The following NCAPG2 variants were observed in gnomAD, a reference collection of about 807,000 sequenced individuals.
NCAPG2 encodes condensin-2 complex subunit G2.
In NCAPG2, 53 loss-of-function variants were observed where a neutral mutation model predicts 141.1. That is an observed-to-expected ratio of 0.38 (90% confidence interval 0.30 to 0.47). The LOEUF (loss-of-function observed/expected upper bound fraction) is 0.47, where lower values mean the gene tolerates loss of function less well. Among genes scored for constraint, NCAPG2 ranks in the 20% least tolerant of loss-of-function variants. The pLI is 0.99. For synonymous variants in NCAPG2, 499 were observed against 490.7 expected (o/e 1.02, Z -0.22); for missense variants, 1,087 against 1,389.0 (o/e 0.78, Z 3.46).
In NCAPG2 at chr7:158,655,567, C is replaced by T. The variant is rs534349981; in HGVS notation, c.2389-112G>A. 5.0e-5 allele frequency: 40 copies of T among 802,210 alleles called. 1 individual carries two copies. Among genetic ancestry groups the T allele is most frequent in the Admixed American group, 2.3e-4 (10 of 42,994 alleles). The allele number at this position is 802,210 out of a possible 1,614,324, so 49.7% of individuals were successfully genotyped here. A position where few individuals can be genotyped will look rare whatever the true frequency, so the allele number is the denominator to read the frequency against. On this transcript the variant is annotated intron_variant, in intron 19 of 27. Coordinates refer to ENST00000356309, the MANE Select transcript of NCAPG2 (RefSeq NM_017760.7). Reference sequence around the variant, plus strand: ...TCCTCAGGCGAGCTGAAAAGACCCCCGCTCTGGTGAAGCCCAGTGTCTGCT... The same window carrying T: ...TCCTCAGGCGAGCTGAAAAGACCCCTGCTCTGGTGAAGCCCAGTGTCTGCT...
Position 158,693,393 on chromosome 7 carries a change from C to T in NCAPG2, c.183G>A (p.Val61=). 1 of 1,614,176 alleles carries T rather than the reference C, an allele frequency of 6.2e-7. No individual in the cohort carries two copies. Among genetic ancestry groups the T allele is most frequent in the South Asian group, 1.1e-5 (1 of 91,088 alleles). Residue 61 remains valine, a synonymous_variant, in exon 3 of 28, where the codon GTG becomes GTA. Coordinates refer to ENST00000356309, the MANE Select transcript of NCAPG2 (RefSeq NM_017760.7). ...WQRLKNLLTD[V]LLESPVDGWQ... ...ACCCATCCACTGGGCTTTCTAACAA[C>T]ACATCTGTCAATAAATTCTTCAGCC...
chr7:158,644,138 T>G (rs555662309), intron 27 of NCAPG2, 151 bp downstream of exon 27: 1 of 587,540 alleles, frequency 1.7e-6, no homozygotes, highest in Non-Finnish European at 3.0e-6. Context: ...AAGCTAAAGG[T>G]CTTTGCCAAC....
intron 12 of NCAPG2, among the ~76,000 whole-genome samples, chr7:158,673,918 A>G (rs1833900058): frequency 1.3e-5 from 2 of 152,232 alleles, no homozygotes; most frequent in African/African-American, 4.8e-5. Flanking sequence ...CAGAGGTCAA[A>G]AAAGTCTAGA....
intron 13 of NCAPG2, 31 bp downstream of exon 13, chr7:158,671,478 TTCATG>T (rs774454280): frequency 8.1e-6 from 13 of 1,611,640 alleles, no homozygotes; most frequent in South Asian, 1.1e-5. Flanking sequence ...ATGTCCCTAT[TTCATG>T]TCATAAGTAA....
At chr7:158,664,052 C>T (rs1394404372) in intron 15 of NCAPG2, 132 bp downstream of exon 15, 2 of 720,328 alleles carry the variant, frequency 2.8e-6, no homozygotes, top group Non-Finnish European at 4.7e-6. Context: ...TTATTTATGA[C>T]CTTCCAAAAT....
Position 158,652,444 on chromosome 7 carries a change from A to T in NCAPG2, c.2783T>A (p.Ile928Asn), listed in dbSNP as rs770743307. The change falls in exon 23 of 28, where the codon ATT (isoleucine) becomes AAT (asparagine). Residue 928 changes from isoleucine to asparagine, a missense_variant. Physicochemically the swap from Ile to Asn is moderately radical, Grantham distance 149. Transcript: ENST00000356309. ...GGAACTTCCAGTTATCTCTTTCAGA[A>T]TGTCAAGAAGTAATGAAACATAAAA... is the stretch of plus-strand genomic sequence containing the variant. ...GFFYVSLLLD[I>N]LKEITGSSLI... 3 of 1,612,096 alleles carry T rather than the reference A, an allele frequency of 1.9e-6. No homozygotes were observed. The African/African-American group carries it at 4.0e-5, about 22-fold the overall frequency.
At chr7:158,687,745 T>C (rs1232281047) in intron 6 of NCAPG2, among the ~76,000 whole-genome samples, 2 of 152,220 alleles carry the variant, frequency 1.3e-5, no homozygotes, top group African/African-American at 2.4e-5. Flanking sequence ...CATCTCATTC[T>C]GGCTCTGTCA....
At position 158,675,533 on chromosome 7, in the gene NCAPG2, T is replaced by C; in HGVS notation, c.1270A>G (p.Thr424Ala). 1 of 1,613,262 alleles carries C rather than the reference T, an allele frequency of 6.2e-7. No homozygotes were observed. Among genetic ancestry groups the C allele is most frequent in the Non-Finnish European group, 8.5e-7 (1 of 1,179,868 alleles). The change falls in exon 12 of 28, where the codon ACT becomes GCT. Residue 424 changes from threonine (T) to alanine (A), a missense_variant. Physicochemically the swap from Thr to Ala is moderately conservative, Grantham distance 58. Coordinates refer to ENST00000356309, the MANE Select transcript of NCAPG2 (RefSeq NM_017760.7). ...CTCGTGTCAAATGCCAGTTCCCCAG[T>C]CACCTTCTTCAGGAGGTCAATAAGA... ...TILIDLLKKV[T>A]GELAFDTSSA...
intron 23 of NCAPG2, among the ~76,000 whole-genome samples, chr7:158,651,939 T>C (rs775771418): frequency 3.9e-5 from 6 of 152,254 alleles, no homozygotes; most frequent in Non-Finnish European, 8.8e-5. Flanking sequence ...TTAACAATTA[T>C]GCGCTCAGAA....
At chr7:158,687,313 G>A (rs1834829617) in intron 7 of NCAPG2, 35 bp downstream of exon 7, 1 of 1,472,712 alleles carries the variant, frequency 6.8e-7, no homozygotes, top group Non-Finnish European at 9.4e-7. Flanking sequence ...ACCAGATTAA[G>A]ACAGCACAAA....
intron 24 of NCAPG2, among the ~76,000 whole-genome samples, chr7:158,648,160 T>C (rs1018096173): frequency 1.6e-4 from 25 of 152,126 alleles, no homozygotes; most frequent in African/African-American, 6.0e-4. Context: ...AAAAGACTAT[T>C]GACAGATTAA....
chr7:158,655,021 C>T lies in NCAPG2; in HGVS notation c.2646+97G>A, dbSNP rs893596829. 7.1e-6 allele frequency: 10 copies of T among 1,409,002 alleles called. No homozygotes were observed. In the African/African-American group the frequency reaches 1.2e-4, roughly 16 times the overall value. The allele number at this position is 1,409,002 out of a possible 1,614,324, so 87.3% of individuals were successfully genotyped here. On this transcript the variant is annotated intron_variant, in intron 21 of 27. Transcript: ENST00000356309. ...TCCCTGTAAGTTTTTAAGAATAACA[C>T]TAATGTCTAAAATTACCACTCTAAA...
At chr7:158,668,558 G>T in intron 13 of NCAPG2, 1 of 531,264 alleles carries the variant, frequency 1.9e-6, no homozygotes, top group African/African-American at 2.1e-5. Flanking sequence ...AGTGTGGCCT[G>T]GATACAGTTT....
chr7:158,695,524 C>T (rs1400111883), intron 2 of NCAPG2, among the ~76,000 whole-genome samples: 4 of 152,228 alleles, frequency 2.6e-5, no homozygotes, highest in Non-Finnish European at 5.9e-5. Flanking sequence ...AAATGAGACA[C>T]ACACCCAGCT....
rs1833999976 is a variant in NCAPG2, at chr7:158,675,585, C to T, written c.1218G>A (p.Lys406=). 6.2e-7 allele frequency: 1 copy of T among 1,613,828 alleles called. No homozygotes were observed. Among genetic ancestry groups the T allele is most frequent in the Non-Finnish European group, 8.5e-7 (1 of 1,179,942 alleles). ...TGGTCGGGGGCATCATTTCCCAGTA[C>T]TTAGAAGTTATTTTACAAACACCAA... The part of the protein sequence containing the change: ...GILGVCKITS[K]YWEMMPPTIL... The change falls in exon 12 of 28, where the codon AAG becomes AAA. Residue 406 remains lysine (K), a synonymous_variant. Coordinates refer to ENST00000356309, the MANE Select transcript of NCAPG2 (RefSeq NM_017760.7).
intron 27 of NCAPG2, among the ~76,000 whole-genome samples, chr7:158,642,936 G>A (rs1445641154): frequency 4.0e-5 from 6 of 151,828 alleles, no homozygotes; most frequent in Non-Finnish European, 5.9e-5. Flanking sequence ...CACCACACCC[G>A]GCTAATTATT....
intron 23 of NCAPG2, among the ~76,000 whole-genome samples, chr7:158,651,615 T>TA (rs1473576987): frequency 6.6e-6 from 1 of 152,238 alleles, no homozygotes; most frequent in Non-Finnish European, 1.5e-5. Context: ...CTCTCTCTGA[T>TA]AACAACATCA....
intron 9 of NCAPG2, among the ~76,000 whole-genome samples, chr7:158,683,082 T>C (rs1834538759): frequency 6.6e-6 from 1 of 152,324 alleles, no homozygotes; most frequent in African/African-American, 2.4e-5. Flanking sequence ...TTTAAGGTCA[T>C]TCAAATACAA....
intron 8 of NCAPG2, among the ~76,000 whole-genome samples, chr7:158,685,416 TACTTC>T (rs926626606): frequency 1.3e-5 from 2 of 152,162 alleles, no homozygotes; most frequent in Non-Finnish European, 2.9e-5. Flanking sequence ...CAGGTAAAAT[TACTTC>T]AATATTACAC....
Sources: allele counts gnomAD v4.1 joint callset (sites outside exome capture counted in the v4.1 genomes callset), GRCh38; gene constraint gnomAD v4.1.1; transcripts MANE v1.5; gene names NCBI Gene and HGNC (gene_info 2026-07-23, HGNC 2026-07-21).